The following FRMD6 variants were observed in gnomAD, a reference collection of about 807,000 sequenced individuals.
The protein encoded by FRMD6 is FERM domain containing 6.
In FRMD6, 37 loss-of-function variants were observed where a neutral mutation model predicts 73.2. The ratio of observed to expected loss-of-function variants is 0.51; its 90% CI spans 0.39 to 0.66. The LOEUF (loss-of-function observed/expected upper bound fraction) is 0.66, where lower values mean the gene tolerates loss of function less well. Ranked by LOEUF, FRMD6 falls within the 30% of genes least tolerant of loss-of-function variation. FRMD6 has a pLI of 0.00. For missense variants in FRMD6, 714 were observed against 780.5 expected, an observed-to-expected ratio of 0.91 and a Z score of 1.02; for synonymous variants, 273 against 282.2, an observed-to-expected ratio of 0.97 and a Z score of 0.33.
intron 1 of FRMD6, among the ~76,000 whole-genome samples, chr14:51,524,185 C>T (rs989829916): frequency 1.3e-5 from 2 of 152,134 alleles, no homozygotes; most frequent in Non-Finnish European, 2.9e-5. Context: ...CAAATCTTGC[C>T]TCTCCCCTTT....
intron 2 of FRMD6, among the ~76,000 whole-genome samples, chr14:51,608,314 G>A (rs1198690397): frequency 6.6e-6 from 1 of 152,164 alleles, no homozygotes; most frequent in Non-Finnish European, 1.5e-5. Context: ...TCAAATCCTG[G>A]TTCTGTGACC....
the FRMD6 span, among the ~76,000 whole-genome samples, chr14:51,425,731 A>G: frequency 6.6e-6 from 1 of 152,102 alleles, no homozygotes; most frequent in African/African-American, 2.4e-5. Flanking sequence ...AACCTACCCC[A>G]GACCACCCTC....
intron 2 of FRMD6, among the ~76,000 whole-genome samples, chr14:51,607,424 G>T (rs1201711161): frequency 6.6e-6 from 1 of 152,188 alleles, no homozygotes; most frequent in African/African-American, 2.4e-5. Flanking sequence ...AGAAAGAATT[G>T]GCCCTGCCAC....
At chr14:51,421,037 A>G in the FRMD6 span, among the ~76,000 whole-genome samples, 1 of 152,238 alleles carries the variant, frequency 6.6e-6, no homozygotes, top group South Asian at 2.1e-4. Context: ...CAGTCTCCCA[A>G]AGTAATGGGA....
At chr14:51,443,266 T>A in the FRMD6 span, among the ~76,000 whole-genome samples, 1 of 152,222 alleles carries the variant, frequency 6.6e-6, no homozygotes, top group African/African-American at 2.4e-5. Flanking sequence ...CATGGGCAAG[T>A]CTGCTAAGGA....
chr14:51,502,432 C>T (rs1883677562), intron 1 of FRMD6, among the ~76,000 whole-genome samples: 1 of 152,136 alleles, frequency 6.6e-6, no homozygotes, highest in Non-Finnish European at 1.5e-5. Flanking sequence ...GCCAGCTCTC[C>T]CAGCACCATT....
chr14:51,724,682 G>C (rs1046275308), intron 12 of FRMD6, among the ~76,000 whole-genome samples: 7 of 151,934 alleles, frequency 4.6e-5, no homozygotes, highest in Admixed American at 4.6e-4. Context: ...TCATTCTGTA[G>C]ACTACTAGCA....
intron 1 of FRMD6, among the ~76,000 whole-genome samples, chr14:51,688,926 C>G (rs1277835310): frequency 1.3e-5 from 2 of 152,146 alleles, no homozygotes; most frequent in East Asian, 1.9e-4. Context: ...TTAAACAATA[C>G]AGTTAATATG....
chr14:51,634,855 C>T (rs779249664), intron 2 of FRMD6, among the ~76,000 whole-genome samples: 3 of 152,120 alleles, frequency 2.0e-5, no homozygotes, highest in Non-Finnish European at 2.9e-5. Context: ...AAAATGAAAA[C>T]GTTAGATTAA....
At chr14:51,692,260 A>G (rs1008514374) in intron 2 of FRMD6, among the ~76,000 whole-genome samples, 1 of 152,240 alleles carries the variant, frequency 6.6e-6, no homozygotes, top group African/African-American at 2.4e-5. Context: ...TAAACTGAAT[A>G]AAAATCGACA....
At position 51,725,778 on chromosome 14, in the gene FRMD6, G is replaced by C. The variant is rs1296828506; in HGVS notation, c.1493-1G>C. The C allele has an allele frequency of 5.0e-6, 8 of 1,608,048 alleles. No individual in the cohort carries two copies. The highest frequency in any genetic ancestry group is 1.1e-5 in the South Asian group (1 of 90,924). Reference sequence around the variant, plus strand: ...GTTTTTATCTCTGTGTTTTATTTCAGGGTTGATTGTGAAAGAAATTGGGTC... The same window carrying C: ...GTTTTTATCTCTGTGTTTTATTTCACGGTTGATTGTGAAAGAAATTGGGTC... On this transcript the variant is annotated splice_acceptor_variant, in intron 12 of 13. Coordinates refer to ENST00000344768, the MANE Select transcript of FRMD6 (RefSeq NM_001267046.2). LOFTEE classifies it high-confidence loss of function.
intron 1 of FRMD6, among the ~76,000 whole-genome samples, chr14:51,540,825 C>T (rs1179752548): frequency 6.6e-6 from 1 of 151,954 alleles, no homozygotes; most frequent in African/African-American, 2.4e-5. Context: ...AAAAATATAG[C>T]TTACTAGTCA....
At chr14:51,536,692 C>T (rs1185682676) in intron 1 of FRMD6, among the ~76,000 whole-genome samples, 1 of 152,206 alleles carries the variant, frequency 6.6e-6, no homozygotes, top group African/African-American at 2.4e-5. Context: ...GCTGGGATTA[C>T]AGGCGTGAGC....
chr14:51,730,179 A>G lies in FRMD6; in HGVS notation c.*2150A>G, dbSNP rs570710221. On this transcript the variant is annotated 3_prime_UTR_variant, in exon 14 of 14. Transcript: ENST00000344768. Reference sequence around the variant, plus strand: ...AGAAAAAACATATTTAATTACTGTAAACAGGTACTGCTTTATGTTTATTTT... The same window carrying G: ...AGAAAAAACATATTTAATTACTGTAGACAGGTACTGCTTTATGTTTATTTT... 2.6e-5 allele frequency: 4 copies of G among 152,212 alleles called. No individual in the cohort carries two copies. The highest frequency in any genetic ancestry group is 6.5e-5 in the Admixed American group (1 of 15,280). The allele number at this position is 152,212 out of a possible 1,614,324, so 9.4% of individuals were successfully genotyped here. A position where few individuals can be genotyped will look rare whatever the true frequency, so the allele number is the denominator to read the frequency against.
chr14:51,651,745 A>G (rs1171244034), upstream of FRMD6: 1 of 138,930 alleles, frequency 7.2e-6, no homozygotes, highest in Non-Finnish European at 1.6e-5. Context: ...CCGCGAGCTC[A>G]GCGCGCAGCT....
intron 2 of FRMD6, among the ~76,000 whole-genome samples, chr14:51,606,312 A>G (rs1403807983): frequency 2.0e-5 from 3 of 152,236 alleles, no homozygotes; most frequent in African/African-American, 7.2e-5. Context: ...CAACAAGCAC[A>G]CATATTAATG....
chr14:51,654,986 T>C (rs900468392), intron 1 of FRMD6, among the ~76,000 whole-genome samples: 3 of 152,022 alleles, frequency 2.0e-5, no homozygotes, highest in Admixed American at 2.0e-4. Context: ...TGTATCCTTA[T>C]GGGTAAAGCA....
chr14:51,507,037 G>A (rs1884003685), intron 1 of FRMD6, among the ~76,000 whole-genome samples: 2 of 148,410 alleles, frequency 1.3e-5, no homozygotes, highest in Admixed American at 6.8e-5. Flanking sequence ...TCTTTACACC[G>A]TTCTATATTT....
the FRMD6 span, among the ~76,000 whole-genome samples, chr14:51,455,763 A>G: frequency 1.3e-5 from 2 of 152,300 alleles, no homozygotes; most frequent in South Asian, 2.1e-4. Flanking sequence ...GAGAGGAGAC[A>G]GCATAGAATT....
Sources: allele counts gnomAD v4.1 joint callset (sites outside exome capture counted in the v4.1 genomes callset), GRCh38; gene constraint gnomAD v4.1.1; transcripts MANE v1.5; gene names NCBI Gene and HGNC (gene_info 2026-07-23, HGNC 2026-07-21).